Variants in TRAM2 observed in about 807,000 individuals in gnomAD.
The protein encoded by TRAM2 is translocating chain-associated membrane protein 2.
TRAM2 carries 12 observed loss-of-function variants against 51.0 expected under a neutral mutation model. The ratio of observed to expected loss-of-function variants is 0.24; its 90% CI spans 0.15 to 0.38. The LOEUF is 0.38. Ranked by LOEUF, TRAM2 falls within the 10% of genes least tolerant of loss-of-function variation. The pLI is 1.00. For missense variants in TRAM2, 361 were observed against 462.0 expected, an observed-to-expected ratio of 0.78 and a Z score of 2.00; for synonymous variants, 175 against 179.4, an observed-to-expected ratio of 0.98 and a Z score of 0.20.
At position 52,535,847 on chromosome 6, in the gene TRAM2, C is replaced by CTG. The variant is rs1338986079; in HGVS notation, c.121-3_121-2dup. On this transcript the variant is annotated splice_acceptor_variant, in intron 1 of 10. Coordinates refer to ENST00000182527, the MANE Select transcript of TRAM2 (RefSeq NM_012288.4). LOFTEE classifies it high-confidence loss of function. ...ATAGAAAGGCAGTCTTGGCTGTGACCTGTAAAACAAAGGAAAAGAGTTCCA... is the reference window on the plus strand; with the variant it reads ...ATAGAAAGGCAGTCTTGGCTGTGACCTGTGTAAAACAAAGGAAAAGAGTTCCA... 1.2e-6 allele frequency: 2 copies of CTG among 1,613,584 alleles called. No individual in the cohort carries two copies. The highest frequency in any genetic ancestry group is 3.3e-5 in the Admixed American group (2 of 59,956).
intron 1 of TRAM2, among the ~76,000 whole-genome samples, chr6:52,572,545 G>T (rs905098372): frequency 1.3e-5 from 2 of 152,254 alleles, no homozygotes; most frequent in African/African-American, 4.8e-5. Flanking sequence ...GGAGGCTGCA[G>T]TGAGCTGAGA....
intron 2 of TRAM2, among the ~76,000 whole-genome samples, chr6:52,531,716 C>T (rs1277396995): frequency 5.3e-5 from 8 of 152,258 alleles, no homozygotes; most frequent in African/African-American, 1.9e-4. Flanking sequence ...CTACTCACAA[C>T]ACAACACAAC....
At chr6:52,550,279 G>A (rs1767284606) in intron 1 of TRAM2, among the ~76,000 whole-genome samples, 1 of 152,066 alleles carries the variant, frequency 6.6e-6, no homozygotes, top group Non-Finnish European at 1.5e-5. Context: ...CTTAGTTCTA[G>A]ATCCATGCTA....
At chr6:52,509,699 G>T in intron 4 of TRAM2, 113 bp from the exon 5 acceptor site, 1 of 867,004 alleles carries the variant, frequency 1.2e-6, no homozygotes. Context: ...ACAGAAAGAG[G>T]AAGGAACAGG....
At chr6:52,543,531 A>G (rs953339957) in intron 1 of TRAM2, among the ~76,000 whole-genome samples, 1 of 152,266 alleles carries the variant, frequency 6.6e-6, no homozygotes, top group Non-Finnish European at 1.5e-5. Context: ...TACATTAAAA[A>G]TAATAACATA....
intron 10 of TRAM2, among the ~76,000 whole-genome samples, chr6:52,504,301 T>A (rs1183180427): frequency 2.6e-5 from 4 of 152,180 alleles, no homozygotes; most frequent in Non-Finnish European, 4.4e-5. Context: ...GAAGCCACCC[T>A]GAGGACACGC....
intron 5 of TRAM2, among the ~76,000 whole-genome samples, chr6:52,508,634 T>C (rs188584608): frequency 6.6e-5 from 10 of 152,304 alleles, no homozygotes; most frequent in Admixed American, 2.0e-4. Context: ...CAGAGCACTG[T>C]TGGAGATAGG....
chr6:52,535,937 G>T (rs779060375), intron 1 of TRAM2, 91 bp from the exon 2 acceptor site: 1 of 1,078,930 alleles, frequency 9.3e-7, no homozygotes, highest in Non-Finnish European at 1.4e-6. Context: ...TTACATCTTA[G>T]ACCCTCAAAC....
chr6:52,509,660 G>T, intron 4 of TRAM2, 74 bp from the exon 5 acceptor site: 1 of 1,427,488 alleles, frequency 7.0e-7, no homozygotes, highest in Non-Finnish European at 9.8e-7. Context: ...ACCGGTCCAG[G>T]GGTCAGGGAT....
rs1224093325 is a variant in TRAM2 at position 52,577,012 on chromosome 6, G to A, written c.-97C>T. On this transcript the variant is annotated 5_prime_UTR_variant, in exon 1 of 11. Transcript: ENST00000182527. ...ACCGGCCCGGTCCGCCCGCCGGCCC[G>A]CCGCCCGCTCTCCCACAGCCGCTCG... is the stretch of plus-strand genomic sequence containing the variant. 7 of 1,293,150 alleles carry A rather than the reference G, an allele frequency of 5.4e-6. No individual in the cohort carries two copies. Among genetic ancestry groups the A allele is most frequent in the East Asian group, 3.3e-5 (1 of 30,320 alleles). 80.1% of individuals were successfully genotyped at this position (1,293,150 alleles called of 1,614,324 possible). A position where few individuals can be genotyped will look rare whatever the true frequency, so the allele number is the denominator to read the frequency against.
At chr6:52,505,284 C>G (rs1766325951) in intron 9 of TRAM2, among the ~76,000 whole-genome samples, 1 of 152,204 alleles carries the variant, frequency 6.6e-6, no homozygotes, top group Non-Finnish European at 1.5e-5. Context: ...TTAAAGCACC[C>G]ACACACAAGA....
At chr6:52,559,499 AG>A (rs1383836103) in intron 1 of TRAM2, among the ~76,000 whole-genome samples, 1 of 152,232 alleles carries the variant, frequency 6.6e-6, no homozygotes, top group African/African-American at 2.4e-5. Flanking sequence ...ATCTGTAAAA[AG>A]GGAGGCACCA....
intron 9 of TRAM2, 85 bp from the exon 10 acceptor site, chr6:52,504,839 G>T: frequency 6.9e-6 from 9 of 1,295,708 alleles, no homozygotes; most frequent in Non-Finnish European, 9.6e-6. Context: ...CAAGGGCCAG[G>T]GGCCCTGCAG....
intron 1 of TRAM2, among the ~76,000 whole-genome samples, chr6:52,556,576 C>G (rs1011510682): frequency 1.3e-5 from 2 of 151,468 alleles, no homozygotes; most frequent in Non-Finnish European, 2.9e-5. Flanking sequence ...GTCACTGTGC[C>G]TGGCCCAATC....
chr6:52,530,180 G>C (rs1178003728), intron 2 of TRAM2, among the ~76,000 whole-genome samples: 1 of 152,104 alleles, frequency 6.6e-6, no homozygotes, highest in African/African-American at 2.4e-5. Context: ...TTCGCTAATA[G>C]AAAGGCAAGC....
chr6:52,528,481 TC>T (rs1314324167), intron 2 of TRAM2, among the ~76,000 whole-genome samples: 1 of 152,032 alleles, frequency 6.6e-6, no homozygotes. Context: ...CAACACTAAT[TC>T]CTGCCAACCA....
In TRAM2 at chr6:52,541,302, T is replaced by C. The variant is rs564344864; in HGVS notation, c.121-5456A>G. On this transcript the variant is annotated intron_variant, in intron 1 of 10. Coordinates refer to ENST00000182527, the MANE Select transcript of TRAM2 (RefSeq NM_012288.4). The stretch of plus-strand genomic sequence containing the variant: ...CATGAGTCCAAGGGCTTCACATAAA[T>C]CTATCTCATGTCATCCCCACAATGA... Among the ~76,000 whole-genome samples the C allele has an allele frequency of 2.6e-5, 4 of 152,206 alleles. No homozygotes were observed. In the South Asian group the frequency reaches 6.2e-4, roughly 24 times the overall value.
chr6:52,527,346 C>G (rs1159392329), intron 2 of TRAM2, among the ~76,000 whole-genome samples: 1 of 149,492 alleles, frequency 6.7e-6, no homozygotes, highest in Admixed American at 6.7e-5. Flanking sequence ...CCACTGTACT[C>G]CAGCCTGGGC....
chr6:52,516,361 A>C, intron 3 of TRAM2: 1 of 590,520 alleles, frequency 1.7e-6, no homozygotes, highest in Non-Finnish European at 3.0e-6. Flanking sequence ...AATAACCCCA[A>C]TTACTCAATG....
Sources: gnomAD v4.1 joint callset for allele counts (sites outside exome capture counted in the v4.1 genomes callset) on GRCh38, gnomAD v4.1.1 for gene constraint, MANE v1.5 for transcripts, NCBI Gene and HGNC (gene_info 2026-07-23, HGNC 2026-07-21) for gene names.